STAU2: variants seen among roughly 807,000 people sequenced by gnomAD.
The protein encoded by STAU2 is staufen double-stranded RNA binding protein 2.
Under a neutral mutation model 65.9 loss-of-function variants are expected in STAU2, and 20 were observed. The ratio of observed to expected loss-of-function variants is 0.30; its 90% CI spans 0.21 to 0.44. STAU2 has a LOEUF of 0.44. STAU2 is among the 20% of genes least tolerant of loss of function. The pLI, the probability that STAU2 is intolerant of heterozygous loss-of-function variation, is 1.00. For synonymous variants in STAU2, 232 were observed against 233.9 expected (o/e 0.99, Z 0.07); for missense variants, 558 against 683.9 (o/e 0.82, Z 2.05).
At chr8:73,650,979 A>G (rs1815821541) in intron 6 of STAU2, among the ~76,000 whole-genome samples, 2 of 152,240 alleles carry the variant, frequency 1.3e-5, no homozygotes, top group Admixed American at 1.3e-4. Context: ...TGATATAAAT[A>G]TTGGATCCTG....
At chr8:73,690,854 G>A (rs1021873382) in intron 4 of STAU2, among the ~76,000 whole-genome samples, 17 of 152,064 alleles carry the variant, frequency 1.1e-4, no homozygotes, top group Non-Finnish European at 2.4e-4. Flanking sequence ...TTCTAATTCA[G>A]TTTAAAATAT....
chr8:73,583,739 A>T (rs892673364), intron 11 of STAU2, among the ~76,000 whole-genome samples: 2 of 152,216 alleles, frequency 1.3e-5, no homozygotes, highest in African/African-American at 4.8e-5. Flanking sequence ...ACTTTAAGCA[A>T]ACTAAGTCCT....
intron 13 of STAU2, among the ~76,000 whole-genome samples, chr8:73,526,119 T>C (rs78101703): frequency 0.011 from 1,733 of 152,326 alleles, 33 homozygotes; most frequent in African/African-American, 0.04. Context: ...TATTTTTGGT[T>C]GGGCTCATTC....
At chr8:73,585,817 G>C (rs74436816) in intron 11 of STAU2, among the ~76,000 whole-genome samples, 1 of 152,130 alleles carries the variant, frequency 6.6e-6, no homozygotes, top group Non-Finnish European at 1.5e-5. Context: ...TAATCCCCAC[G>C]TCTCAAGGGT....
chr8:73,509,502 G>C (rs1301994401), intron 13 of STAU2, among the ~76,000 whole-genome samples: 1 of 152,146 alleles, frequency 6.6e-6, no homozygotes, highest in Non-Finnish European at 1.5e-5. Flanking sequence ...AAACATCAGT[G>C]GCTGCCAGGG....
At position 73,518,840 on chromosome 8, in the gene STAU2, C is replaced by T. The variant is rs117826022; in HGVS notation, c.1530+33172G>A. On this transcript the variant is annotated intron_variant, in intron 13 of 14. Coordinates refer to ENST00000524300, the MANE Select transcript of STAU2 (RefSeq NM_001164380.2). ...ACTATAAGATATAATTTGTGTAAAACGAAAATTGTATATAATAAAGTTAAA... is the reference window on the plus strand; with the variant it reads ...ACTATAAGATATAATTTGTGTAAAATGAAAATTGTATATAATAAAGTTAAA... Among the ~76,000 whole-genome samples, 499 of 151,812 alleles carry T rather than the reference C, an allele frequency of 3.3e-3. 3 individuals carry two copies. The highest frequency in any genetic ancestry group is 5.8e-3 in the Non-Finnish European group (397 of 67,970).
At chr8:73,649,369 C>T (rs1815645082) in intron 6 of STAU2, among the ~76,000 whole-genome samples, 1 of 152,142 alleles carries the variant, frequency 6.6e-6, no homozygotes, top group Admixed American at 6.5e-5. Context: ...AATTGACTAA[C>T]ACTGCTCCCC....
At chr8:73,534,033 T>A (rs893659568) in intron 13 of STAU2, among the ~76,000 whole-genome samples, 2 of 152,192 alleles carry the variant, frequency 1.3e-5, no homozygotes, top group Non-Finnish European at 2.9e-5. Context: ...GACCTATGTT[T>A]AAAGAAAGTT....
Position 73,421,377 on chromosome 8 carries a change from C to T in STAU2, c.1708G>A (p.Val570Ile), listed in dbSNP as rs1362793647. The T allele has an allele frequency of 1.8e-5, 27 of 1,537,134 alleles. No homozygotes were observed. The highest frequency in any genetic ancestry group is 3.3e-4 in the Middle Eastern group (2 of 6,004). Residue 570 changes from valine (V) to isoleucine (I), a missense_variant, in exon 15 of 15, where the codon GTC (valine) becomes ATC (isoleucine). Val to Ile is a conservative substitution (Grantham distance 29). Around this residue, in one of 3 missense-constraint regions of STAU2, gnomAD observed 247 missense variants for 270.1 expected, o/e 0.91. Transcript: ENST00000524300. Reference sequence around the variant, plus strand: ...GCCGCGGGTTCTGGGAGCTGCTAGACGGCCGAGTTTGATTTCTTGCAGTCC... The same window carrying T: ...GCCGCGGGTTCTGGGAGCTGCTAGATGGCCGAGTTTGATTTCTTGCAGTCC... ...AQDCKKSNSAV is the reference protein window; with the variant it reads ...AQDCKKSNSAI
intron 4 of STAU2, among the ~76,000 whole-genome samples, chr8:73,702,690 C>G (rs116266380): frequency 1.1e-4 from 16 of 151,954 alleles, no homozygotes; most frequent in African/African-American, 3.9e-4. Context: ...AAGAACTTCT[C>G]AAAACTGAAC....
chr8:73,508,407 A>G (rs1379279570), intron 13 of STAU2, among the ~76,000 whole-genome samples: 6 of 152,220 alleles, frequency 3.9e-5, no homozygotes, highest in Admixed American at 2.6e-4. Flanking sequence ...TGGAGCAGTG[A>G]GAACACACAG....
At chr8:73,448,149 T>C (rs1454206951) in intron 13 of STAU2, among the ~76,000 whole-genome samples, 2 of 152,050 alleles carry the variant, frequency 1.3e-5, no homozygotes, top group Non-Finnish European at 2.9e-5. Context: ...ACTGATCCTC[T>C]CCCTCCCAGC....
At chr8:73,588,157 A>G (rs1344289543) in intron 11 of STAU2, among the ~76,000 whole-genome samples, 1 of 152,212 alleles carries the variant, frequency 6.6e-6, no homozygotes, top group African/African-American at 2.4e-5. Flanking sequence ...AGACAATTGC[A>G]ACTTTTCTTG....
rs531275710 is a variant in STAU2, at chr8:73,468,476, G to A, written c.1531-45774C>T. On this transcript the variant is annotated intron_variant, in intron 13 of 14. Coordinates refer to ENST00000524300, the MANE Select transcript of STAU2 (RefSeq NM_001164380.2). ...AAATGGGATCTAATTAAACTAAAGA[G>A]CTTCTGCACAGCAAAAGAAACTACC... Among the ~76,000 whole-genome samples the A allele has an allele frequency of 2.0e-5, 3 of 152,284 alleles. No homozygotes were observed. The East Asian group carries it at 5.8e-4, about 29-fold the overall frequency.
chr8:73,612,114 T>C (rs1021291664), intron 9 of STAU2, among the ~76,000 whole-genome samples: 4 of 152,214 alleles, frequency 2.6e-5, no homozygotes, highest in Non-Finnish European at 4.4e-5. Flanking sequence ...AGAAAAGCCA[T>C]AGATTTTATA....
chr8:73,481,143 C>T (rs141681364), intron 13 of STAU2, among the ~76,000 whole-genome samples: 138 of 127,990 alleles, frequency 1.1e-3, no homozygotes, highest in Middle Eastern at 3.8e-3. Context: ...TGTCCAATTG[C>T]CTTTCACTCT....
intron 6 of STAU2, among the ~76,000 whole-genome samples, chr8:73,667,475 C>G (rs1817323171): frequency 6.6e-6 from 1 of 152,156 alleles, no homozygotes; most frequent in African/African-American, 2.4e-5. Flanking sequence ...GGATTCCTAG[C>G]CTTTGTTGCC....
intron 13 of STAU2, among the ~76,000 whole-genome samples, chr8:73,515,771 CTCTT>C (rs1381086244): frequency 7.3e-5 from 7 of 95,378 alleles, no homozygotes; most frequent in South Asian, 4.1e-4. Context: ...GAAAAAATTT[CTCTT>C]TTTTTTTTTT....
At chr8:73,631,751 T>C (rs1370171149) in intron 6 of STAU2, among the ~76,000 whole-genome samples, 1 of 152,074 alleles carries the variant, frequency 6.6e-6, no homozygotes, top group African/African-American at 2.4e-5. Context: ...TTGGTCAAGG[T>C]CCTTGTAACT....
Sources: allele counts gnomAD v4.1 joint callset (sites outside exome capture counted in the v4.1 genomes callset), GRCh38; gene constraint gnomAD v4.1.1; regional missense constraint gnomAD v4.1.1; transcripts MANE v1.5; gene names NCBI Gene and HGNC (gene_info 2026-07-23, HGNC 2026-07-21).